Variants in BCKDHB observed in about 807,000 individuals in gnomAD.
BCKDHB encodes 2-oxoisovalerate dehydrogenase subunit beta, mitochondrial.
BCKDHB carries 41 observed loss-of-function variants against 48.5 expected under a neutral mutation model. The observed-to-expected ratio is 0.85, with a 90% CI of 0.66 to 1.10. The LOEUF is 1.10. Among genes scored for constraint, BCKDHB ranks in the 50% least tolerant of loss-of-function variants. The pLI is 0.00. For synonymous variants in BCKDHB, 201 were observed against 174.8 expected, an observed-to-expected ratio of 1.15 and a Z score of -1.18; for missense variants, 496 against 494.2, an observed-to-expected ratio of 1.00 and a Z score of -0.03.
rs66539911 is a variant in BCKDHB, at chr6:80,271,812, CAAA to C, written c.952-1316_952-1314del. 1.2e-4 allele frequency among the ~76,000 whole-genome samples: 17 copies of C among 142,002 alleles called. No individual in the cohort carries two copies. In the South Asian group the frequency reaches 3.4e-3, roughly 28 times the overall value. 93.2% of individuals were successfully genotyped at this position (142,002 alleles called of 152,430 possible). ...TGAGCAACAGAGTGAGACTCCATCTCAAAAAAAAACAAAAAAAGAATGATCTGA... is the reference window on the plus strand; with the variant it reads ...TGAGCAACAGAGTGAGACTCCATCTCAAAAAACAAAAAAAGAATGATCTGA... On this transcript the variant is annotated intron_variant, in intron 8 of 9. Coordinates refer to ENST00000320393, the MANE Select transcript of BCKDHB (RefSeq NM_183050.4).
the BCKDHB span, among the ~76,000 whole-genome samples, chr6:80,395,215 G>T: frequency 6.6e-6 from 1 of 152,162 alleles, no homozygotes; most frequent in Admixed American, 6.5e-5. Context: ...ACAGAGCTTG[G>T]AACAGCTTGG....
chr6:80,430,506 G>T, the BCKDHB span, among the ~76,000 whole-genome samples: 1 of 152,102 alleles, frequency 6.6e-6, no homozygotes, highest in African/African-American at 2.4e-5. Context: ...ACTTTTTTTG[G>T]TTGGTAGGCT....
At chr6:80,352,603 T>G in the BCKDHB span, among the ~76,000 whole-genome samples, 2 of 152,194 alleles carry the variant, frequency 1.3e-5, no homozygotes, top group African/African-American at 4.8e-5. Flanking sequence ...TTCTAATAGT[T>G]TGCAGTATAT....
chr6:80,169,077 T>C (rs927918392), intron 5 of BCKDHB, 47 bp downstream of exon 5: 1 of 1,590,258 alleles, frequency 6.3e-7, no homozygotes. Flanking sequence ...GATGTTTCCA[T>C]TTTGATTCAT....
chr6:80,215,054 C>G (rs1474175418), intron 8 of BCKDHB, among the ~76,000 whole-genome samples: 1 of 151,944 alleles, frequency 6.6e-6, no homozygotes, highest in Non-Finnish European at 1.5e-5. Context: ...TTCTTTCATG[C>G]TTATAATAAG....
rs570203364 is a variant in BCKDHB at position 80,212,297 on chromosome 6, C to T, written c.951+9085C>T. The stretch of plus-strand genomic sequence containing the variant: ...TCTCAACTGCATAAGACAGACATTC[C>T]CAGAGTGGCTGTTTTAGACCTTCCC... On this transcript the variant is annotated intron_variant, in intron 8 of 9. Transcript: ENST00000320393. Among the ~76,000 whole-genome samples, 10 of 152,196 alleles carry T rather than the reference C, an allele frequency of 6.6e-5. No individual in the cohort carries two copies. In the South Asian group the frequency reaches 2.1e-3, roughly 32 times the overall value.
Position 80,204,691 on chromosome 6 carries a change from A to G in BCKDHB, c.951+1479A>G, listed in dbSNP as rs776777385. On this transcript the variant is annotated intron_variant, in intron 8 of 9. Coordinates refer to ENST00000320393, the MANE Select transcript of BCKDHB (RefSeq NM_183050.4). ...TCTATATATATATAAATAATACCTT[A>G]AACATTCAAAAAGCATTTGTAGCAG... 2.1e-4 allele frequency among the ~76,000 whole-genome samples: 32 copies of G among 152,208 alleles called. No individual in the cohort carries two copies. In the South Asian group the frequency reaches 2.3e-3, roughly 11 times the overall value.
At chr6:80,326,247 C>T (rs577368014) in intron 9 of BCKDHB, among the ~76,000 whole-genome samples, 45 of 152,098 alleles carry the variant, frequency 3.0e-4, no homozygotes, top group Non-Finnish European at 2.6e-4. Flanking sequence ...AAAGAGTCTC[C>T]GCCATAAGCT....
intron 9 of BCKDHB, among the ~76,000 whole-genome samples, chr6:80,277,527 A>G (rs1317834753): frequency 6.6e-6 from 1 of 152,046 alleles, no homozygotes; most frequent in Non-Finnish European, 1.5e-5. Flanking sequence ...CATAATGAAA[A>G]AACAAATCCT....
intron 9 of BCKDHB, among the ~76,000 whole-genome samples, chr6:80,292,336 G>T (rs2127985267): frequency 6.6e-6 from 1 of 152,298 alleles, no homozygotes; most frequent in East Asian, 1.9e-4. Flanking sequence ...AGTTCCACAT[G>T]GCTGGAGAGA....
chr6:80,457,857 G>A, the BCKDHB span, among the ~76,000 whole-genome samples: 4 of 152,060 alleles, frequency 2.6e-5, no homozygotes, highest in East Asian at 1.9e-4. Context: ...TTCCCCTTTC[G>A]TCTGCGTCTT....
At chr6:80,248,928 G>GTGTGTA (rs1491012855) in intron 8 of BCKDHB, among the ~76,000 whole-genome samples, 1 of 130,950 alleles carries the variant, frequency 7.6e-6, no homozygotes, top group Non-Finnish European at 1.7e-5. Context: ...GTGTGTGTGT[G>GTGTGTA]TATGTGTATT....
chr6:80,161,088 C>G (rs1213797787), intron 3 of BCKDHB, among the ~76,000 whole-genome samples: 1 of 152,062 alleles, frequency 6.6e-6, no homozygotes, highest in Admixed American at 6.6e-5. Flanking sequence ...AGCCACTAAC[C>G]ACTGAATTAA....
the BCKDHB span, among the ~76,000 whole-genome samples, chr6:80,442,074 A>G: frequency 6.6e-6 from 1 of 152,178 alleles, no homozygotes; most frequent in African/African-American, 2.4e-5. Context: ...TATTTACTCA[A>G]AAATAAGTGT....
At chr6:80,442,542 T>C in the BCKDHB span, among the ~76,000 whole-genome samples, 1 of 152,096 alleles carries the variant, frequency 6.6e-6, no homozygotes, top group African/African-American at 2.4e-5. Context: ...GTATTTAAGC[T>C]TAGCCATGAG....
chr6:80,315,483 G>A (rs1768394890), intron 9 of BCKDHB, among the ~76,000 whole-genome samples: 1 of 152,064 alleles, frequency 6.6e-6, no homozygotes, highest in Admixed American at 6.6e-5. Flanking sequence ...CCCAGTGCAA[G>A]TACCTGGATA....
At chr6:80,374,386 G>A in the BCKDHB span, 5 of 805,178 alleles carry the variant, frequency 6.2e-6, no homozygotes, top group East Asian at 2.4e-5. Flanking sequence ...CCATTGTAAC[G>A]TCGGAATGGT....
intron 9 of BCKDHB, among the ~76,000 whole-genome samples, chr6:80,337,962 T>C (rs976798228): frequency 4.6e-5 from 7 of 152,174 alleles, no homozygotes; most frequent in Admixed American, 3.9e-4. Flanking sequence ...AGAAAGGAAA[T>C]TTATCAGTCT....
At chr6:80,341,031 G>C (rs1769873360) in intron 9 of BCKDHB, among the ~76,000 whole-genome samples, 2 of 152,104 alleles carry the variant, frequency 1.3e-5, no homozygotes, top group African/African-American at 4.8e-5. Context: ...ATAACTTAAG[G>C]CTCTTTAATA....
Sources: allele counts gnomAD v4.1 joint callset (sites outside exome capture counted in the v4.1 genomes callset), GRCh38; gene constraint gnomAD v4.1.1; transcripts MANE v1.5; gene names NCBI Gene and HGNC (gene_info 2026-07-23, HGNC 2026-07-21).